DUSP29: variants seen among roughly 807,000 people sequenced by gnomAD.
The protein encoded by DUSP29 is dual specificity phosphatase 29.
In DUSP29, 12 loss-of-function variants were observed where a neutral mutation model predicts 13.5. The ratio of observed to expected loss-of-function variants is 0.89; its 90% CI spans 0.57 to 1.44. The LOEUF (loss-of-function observed/expected upper bound fraction) is 1.44. DUSP29 is among the 40% of genes most tolerant of loss of function. DUSP29 has a pLI of 0.00. For missense variants in DUSP29, 308 were observed against 301.1 expected (o/e 1.02, Z -0.17); for synonymous variants, 134 against 128.7 (o/e 1.04, Z -0.28).
intron 3 of DUSP29, 131 bp downstream of exon 3, chr10:75,043,666 G>A: frequency 1.1e-6 from 1 of 907,246 alleles, no homozygotes; most frequent in Non-Finnish European, 1.6e-6. Context: ...GAAACCTTGG[G>A]CTAAGGGCGG....
intron 2 of DUSP29, among the ~76,000 whole-genome samples, chr10:75,054,350 C>A (rs1846909981): frequency 1.3e-5 from 2 of 152,064 alleles, no homozygotes; most frequent in Non-Finnish European, 2.9e-5. Flanking sequence ...AAAGTGAAAA[C>A]ATAAAAATAA....
intron 1 of DUSP29, among the ~76,000 whole-genome samples, chr10:75,070,695 C>T (rs1847310502): frequency 6.6e-6 from 1 of 151,966 alleles, no homozygotes. Context: ...GAAGCTGTGG[C>T]GGAGGAGATG....
intron 3 of DUSP29, among the ~76,000 whole-genome samples, chr10:75,039,790 AAG>A (rs1441261620): frequency 6.6e-6 from 1 of 152,156 alleles, no homozygotes; most frequent in East Asian, 1.9e-4. Context: ...ACTTCTTCCC[AAG>A]AGGTTCTAGG....
chr10:75,052,146 T>C (rs917831143), intron 2 of DUSP29, among the ~76,000 whole-genome samples: 10 of 152,140 alleles, frequency 6.6e-5, no homozygotes, highest in African/African-American at 2.4e-4. Context: ...TTTTATTGTC[T>C]AGCACTCGAT....
At chr10:75,068,150 C>T (rs912759348) in intron 1 of DUSP29, among the ~76,000 whole-genome samples, 5 of 152,096 alleles carry the variant, frequency 3.3e-5, no homozygotes, top group African/African-American at 1.2e-4. Context: ...ATACATATAA[C>T]AGAAAAGTTA....
chr10:75,048,630 C>G (rs527497166), intron 2 of DUSP29, among the ~76,000 whole-genome samples: 1 of 152,298 alleles, frequency 6.6e-6, no homozygotes, highest in African/African-American at 2.4e-5. Flanking sequence ...AAATTCCTGA[C>G]TTCAGGTAAT....
intron 1 of DUSP29, among the ~76,000 whole-genome samples, chr10:75,067,487 A>G (rs1287676618): frequency 1.3e-5 from 2 of 152,248 alleles, no homozygotes; most frequent in African/African-American, 4.8e-5. Context: ...AACTCAGCTG[A>G]CATGGGGGTG....
intron 1 of DUSP29, among the ~76,000 whole-genome samples, chr10:75,060,120 A>C (rs1476613729): frequency 6.6e-6 from 1 of 151,862 alleles, no homozygotes; most frequent in Non-Finnish European, 1.5e-5. Context: ...AGATCGCACC[A>C]CTGCACTCCA....
chr10:75,055,825 G>A (rs1846946788), intron 2 of DUSP29, among the ~76,000 whole-genome samples: 1 of 152,176 alleles, frequency 6.6e-6, no homozygotes. Flanking sequence ...TTCCCCTAAT[G>A]TTCACAACTG....
At chr10:75,070,939 G>C (rs747580503) in intron 1 of DUSP29, among the ~76,000 whole-genome samples, 1 of 152,198 alleles carries the variant, frequency 6.6e-6, no homozygotes, top group African/African-American at 2.4e-5. Context: ...GGCCGAAGAG[G>C]ACAAACAGCT....
chr10:75,062,807 G>T (rs886470974), intron 1 of DUSP29, among the ~76,000 whole-genome samples: 4 of 152,142 alleles, frequency 2.6e-5, no homozygotes, highest in Non-Finnish European at 4.4e-5. Flanking sequence ...TAACTGCCAA[G>T]GTCTCAATGA....
intron 3 of DUSP29, 89 bp downstream of exon 3, chr10:75,043,708 C>CGGGGAAG: frequency 9.3e-7 from 1 of 1,079,956 alleles, no homozygotes; most frequent in Non-Finnish European, 1.2e-6. Flanking sequence ...CTTAGTGGGG[C>CGGGGAAG]GGGGAAGGGG....
intron 1 of DUSP29, among the ~76,000 whole-genome samples, chr10:75,072,760 G>A (rs921327): frequency 0.078 from 11,819 of 151,780 alleles, 633 homozygotes; most frequent in East Asian, 0.2. Flanking sequence ...CCGCTTTCCC[G>A]AACGATCAGA....
intron 2 of DUSP29, among the ~76,000 whole-genome samples, chr10:75,056,536 G>T (rs950426233): frequency 1.3e-5 from 2 of 150,876 alleles, no homozygotes; most frequent in Non-Finnish European, 3.0e-5. Flanking sequence ...GCGTGGTGGC[G>T]CATGCCTGTA....
Position 75,043,994 on chromosome 10 carries a change from C to T in DUSP29, c.224G>A (p.Arg75Lys). The T allele has an allele frequency of 1.2e-6, 2 of 1,612,022 alleles. No homozygotes were observed. The highest frequency in any genetic ancestry group is 2.2e-5 in the South Asian group (2 of 90,998). The stretch of plus-strand genomic sequence containing the variant: ...GTGCGTGAACCCCGCCTTCTGCAGC[C>T]TATAGCGGTCCAGCGCCGTCGCCCT... ...GDEATALDRY[R>K]LQKAGFTHVL... Residue 75 changes from arginine (R) to lysine (K), a missense_variant, in exon 3 of 4, where the codon AGG becomes AAG. Coordinates refer to ENST00000338487, the MANE Select transcript of DUSP29 (RefSeq NM_001003892.3).
chr10:75,052,065 G>C (rs545742323), intron 2 of DUSP29, among the ~76,000 whole-genome samples: 2 of 152,248 alleles, frequency 1.3e-5, no homozygotes, highest in South Asian at 4.1e-4. Flanking sequence ...GAATTAAAAG[G>C]GCAGTGACAT....
intron 1 of DUSP29, among the ~76,000 whole-genome samples, chr10:75,072,686 G>A (rs1288381839): frequency 2.0e-5 from 3 of 152,104 alleles, no homozygotes; most frequent in Non-Finnish European, 2.9e-5. Flanking sequence ...GCTGGCGGCC[G>A]TGAGTGTGGC....
chr10:75,064,332 AC>A (rs1028714235), intron 1 of DUSP29, among the ~76,000 whole-genome samples: 3 of 151,970 alleles, frequency 2.0e-5, no homozygotes, highest in Non-Finnish European at 4.4e-5. Flanking sequence ...ACATGGTGAA[AC>A]CCCGTCTCTA....
chr10:75,069,481 C>T (rs570883548), intron 1 of DUSP29, among the ~76,000 whole-genome samples: 8 of 152,316 alleles, frequency 5.3e-5, no homozygotes, highest in Admixed American at 2.6e-4. Flanking sequence ...CTTCCTTGTT[C>T]GGGGAAGGGC....
Sources: allele counts gnomAD v4.1 joint callset (sites outside exome capture counted in the v4.1 genomes callset), GRCh38; gene constraint gnomAD v4.1.1; transcripts MANE v1.5; gene names NCBI Gene and HGNC (gene_info 2026-07-23, HGNC 2026-07-21).